Variants in DYNC2I1 observed in about 807,000 individuals in gnomAD.
DYNC2I1 encodes cytoplasmic dynein 2 intermediate chain 1.
A neutral mutation model predicts 133.4 loss-of-function variants in DYNC2I1; 89 were observed. That is an observed-to-expected ratio of 0.67 (90% CI 0.56 to 0.80). DYNC2I1 has a LOEUF of 0.80. Among genes scored for constraint, DYNC2I1 ranks in the 30% least tolerant of loss-of-function variants. The pLI is 0.00. For missense variants in DYNC2I1, 1,291 were observed against 1,314.5 expected, an observed-to-expected ratio of 0.98 and a Z score of 0.28; for synonymous variants, 504 against 484.3, an observed-to-expected ratio of 1.04 and a Z score of -0.54.
At chr7:158,932,336 C>T (rs779660302) in intron 21 of DYNC2I1, among the ~76,000 whole-genome samples, 21 of 152,084 alleles carry the variant, frequency 1.4e-4, no homozygotes, top group Non-Finnish European at 2.8e-4. Flanking sequence ...CTGAGCCAGG[C>T]CTTTGAGGTG....
In DYNC2I1 at chr7:158,926,194, C is replaced by A; in HGVS notation, c.2265C>A (p.Ile755=). ...FRTATFSTDG[I]LTSVNHRSPL... ...TGGGCTTTTGAACTCCAGATGGAAT[C>A]CTTACCTCAGTAAACCACCGAAGCC... Residue 755 remains isoleucine, a synonymous_variant, in exon 18 of 25, where the codon ATC becomes ATA. Transcript: ENST00000407559. The A allele has an allele frequency of 6.2e-7, 1 of 1,612,570 alleles. No homozygotes were observed. Among genetic ancestry groups the A allele is most frequent in the Non-Finnish European group, 8.5e-7 (1 of 1,179,284 alleles).
intron 4 of DYNC2I1, among the ~76,000 whole-genome samples, chr7:158,952,291 G>C (rs1563221232): frequency 6.6e-6 from 1 of 152,200 alleles, no homozygotes; most frequent in Non-Finnish European, 1.5e-5. Context: ...TCCCCAGTGA[G>C]CACGGGAGGA....
At chr7:158,922,235 C>T (rs1208237196) in intron 15 of DYNC2I1, 142 bp from the exon 16 acceptor site, 31 of 747,108 alleles carry the variant, frequency 4.1e-5, no homozygotes, top group East Asian at 3.5e-4. Flanking sequence ...TCAAAACCTA[C>T]GTTTCATGTA....
intron 11 of DYNC2I1, 119 bp from the exon 12 acceptor site, chr7:158,911,431 T>G: frequency 7.0e-6 from 8 of 1,139,272 alleles, no homozygotes; most frequent in Non-Finnish European, 8.5e-6. Flanking sequence ...CACCCCAGCC[T>G]GAAGCTAGGT....
At chr7:158,916,029 A>G (rs1848210218) in intron 14 of DYNC2I1, among the ~76,000 whole-genome samples, 1 of 80,386 alleles carries the variant, frequency 1.2e-5, no homozygotes, top group African/African-American at 4.2e-5. Context: ...TGAAACGTCT[A>G]CACGCTGGTT....
intron 4 of DYNC2I1, among the ~76,000 whole-genome samples, chr7:158,953,750 A>G (rs1425043649): frequency 1.3e-5 from 2 of 152,144 alleles, no homozygotes; most frequent in African/African-American, 4.8e-5. Context: ...TGTATGTTAC[A>G]TATATGTGTA....
intron 14 of DYNC2I1, among the ~76,000 whole-genome samples, chr7:158,914,666 C>T (rs1847827679): frequency 6.6e-6 from 1 of 152,158 alleles, no homozygotes; most frequent in South Asian, 2.1e-4. Flanking sequence ...TATTAAACTT[C>T]TGATTTTACA....
Position 158,926,388 on chromosome 7 carries a change from T to G in DYNC2I1, c.2372-14T>G. The G allele has an allele frequency of 6.2e-7, 1 of 1,610,404 alleles. No individual in the cohort carries two copies. On this transcript the variant is annotated splice_polypyrimidine_tract_variant and intron_variant, in intron 18 of 24. Coordinates refer to ENST00000407559, the MANE Select transcript of DYNC2I1 (RefSeq NM_018051.5). ...TTAAAGCCATTTCTTTCTTTTTGTT[T>G]CTGTCTTCATCAGAAATGTCAGGTT...
intron 4 of DYNC2I1, among the ~76,000 whole-genome samples, 163 bp downstream of exon 4, chr7:158,876,854 G>A (rs1843403668): frequency 6.6e-6 from 1 of 152,172 alleles, no homozygotes; most frequent in Non-Finnish European, 1.5e-5. Flanking sequence ...TCTCCTCATA[G>A]TCAAGTGCGT....
At chr7:158,887,820 A>C (rs1191556753) in intron 7 of DYNC2I1, among the ~76,000 whole-genome samples, 1 of 152,156 alleles carries the variant, frequency 6.6e-6, no homozygotes, top group African/African-American at 2.4e-5. Flanking sequence ...CCATGTGTTA[A>C]GCTACCTTGT....
At position 158,863,310 on chromosome 7, in the gene DYNC2I1, C is replaced by T. The variant is rs143475999; in HGVS notation, c.16-6545C>T. On this transcript the variant is annotated intron_variant, in intron 1 of 24. Transcript: ENST00000407559. ...CGTTTTTACAGAGTGCTGATTGGTG[C>T]GTTTACAAACCTTCAGCAAGACAGA... is the stretch of plus-strand genomic sequence containing the variant. Among the ~76,000 whole-genome samples the T allele has an allele frequency of 3.0e-3, 452 of 152,130 alleles. 6 individuals carry two copies. The highest frequency in any genetic ancestry group is 1.6e-3 in the Non-Finnish European group (106 of 68,000).
chr7:158,917,204 C>T (rs1473731780), intron 14 of DYNC2I1, among the ~76,000 whole-genome samples: 2 of 143,738 alleles, frequency 1.4e-5, no homozygotes, highest in African/African-American at 5.3e-5. Flanking sequence ...GAAACGTCGA[C>T]ACGCTGGTTG....
intron 3 of DYNC2I1, among the ~76,000 whole-genome samples, chr7:158,872,731 T>G (rs1364086130): frequency 1.3e-5 from 2 of 151,762 alleles, no homozygotes; most frequent in Non-Finnish European, 2.9e-5. Context: ...GCACAGTGCC[T>G]CATGCCTGTA....
At chr7:158,865,653 C>A (rs190036320) in intron 1 of DYNC2I1, among the ~76,000 whole-genome samples, 1 of 152,308 alleles carries the variant, frequency 6.6e-6, no homozygotes, top group East Asian at 1.9e-4. Flanking sequence ...ACCCCAGTCC[C>A]CAGGCTGGGG....
At chr7:158,950,330 G>T (rs1228545320), downstream of DYNC2I1, among the ~76,000 whole-genome samples, 1 of 152,256 alleles carries the variant, frequency 6.6e-6, no homozygotes, top group Non-Finnish European at 1.5e-5. Flanking sequence ...CTCCCGAAGT[G>T]CTGGGATTCC....
intron 10 of DYNC2I1, chr7:158,902,815 C>T (rs1047641149): frequency 1.1e-5 from 6 of 540,526 alleles, no homozygotes; most frequent in Admixed American, 1.1e-4. Context: ...AGAAGTTGCA[C>T]GTCACTTTCT....
chr7:158,861,410 C>T (rs1215899607), intron 1 of DYNC2I1, among the ~76,000 whole-genome samples: 1 of 152,126 alleles, frequency 6.6e-6, no homozygotes, highest in Non-Finnish European at 1.5e-5. Context: ...TAAAACACTC[C>T]CTCACCTCAG....
upstream of DYNC2I1, among the ~76,000 whole-genome samples, chr7:158,854,548 G>A (rs571108546): frequency 8.6e-5 from 13 of 152,034 alleles, no homozygotes; most frequent in Non-Finnish European, 1.9e-4. Flanking sequence ...TGTAGATGAC[G>A]GGTTGATGGG....
In DYNC2I1 at chr7:158,924,440, A is replaced by G. The variant is rs562426659; in HGVS notation, c.2257+707A>G. ...CACCCCTCTGTGTGGCTTTATTATC[A>G]TAGATATGTTGCGTGTCTGTCTGTG... is the stretch of plus-strand genomic sequence containing the variant. On this transcript the variant is annotated intron_variant, in intron 17 of 24. Coordinates refer to ENST00000407559, the MANE Select transcript of DYNC2I1 (RefSeq NM_018051.5). Among the ~76,000 whole-genome samples, 9 of 152,168 alleles carry G rather than the reference A, an allele frequency of 5.9e-5. No homozygotes were observed. The South Asian group carries it at 1.9e-3, about 32-fold the overall frequency.
Sources: allele counts gnomAD v4.1 joint callset (sites outside exome capture counted in the v4.1 genomes callset), GRCh38; gene constraint gnomAD v4.1.1; transcripts MANE v1.5; gene names NCBI Gene and HGNC (gene_info 2026-07-23, HGNC 2026-07-21).